PHF21B: variants seen among roughly 807,000 people sequenced by gnomAD.
The protein encoded by PHF21B is PHD finger protein 21B, also known as PHD finger protein 4.
A neutral mutation model predicts 62.2 loss-of-function variants in PHF21B; 22 were observed. That is an observed-to-expected ratio of 0.35 (90% CI 0.25 to 0.51). The LOEUF is 0.51. PHF21B is among the 20% of genes least tolerant of loss of function. PHF21B has a pLI of 0.97. For synonymous variants in PHF21B, 341 were observed against 314.7 expected (o/e 1.08, Z -0.88); for missense variants, 701 against 707.9 (o/e 0.99, Z 0.11).
chr22:44,963,052 G>A (rs1485760734), intron 2 of PHF21B, among the ~76,000 whole-genome samples: 2 of 152,252 alleles, frequency 1.3e-5, no homozygotes, highest in East Asian at 3.9e-4. Context: ...AAATGAGGAA[G>A]CTGAGCTCTC....
intron 5 of PHF21B, among the ~76,000 whole-genome samples, chr22:44,903,785 G>A (rs2071202494): frequency 6.6e-6 from 1 of 152,180 alleles, no homozygotes; most frequent in South Asian, 2.1e-4. Flanking sequence ...TGTACCTTTA[G>A]TATTTACATT....
chr22:44,996,601 C>T (rs2073126262), intron 2 of PHF21B, among the ~76,000 whole-genome samples: 1 of 151,954 alleles, frequency 6.6e-6, no homozygotes, highest in African/African-American at 2.4e-5. Flanking sequence ...GGGTCCCTAC[C>T]CCGTTTGACT....
At chr22:44,998,296 A>G (rs772236810) in intron 2 of PHF21B, among the ~76,000 whole-genome samples, 1 of 152,252 alleles carries the variant, frequency 6.6e-6, no homozygotes, top group Non-Finnish European at 1.5e-5. Flanking sequence ...TGCAGGACGC[A>G]GCAACTCTCA....
chr22:44,985,978 C>A (rs567898278), intron 2 of PHF21B, among the ~76,000 whole-genome samples: 2 of 151,364 alleles, frequency 1.3e-5, no homozygotes, highest in African/African-American at 4.9e-5. Flanking sequence ...ACTATGACAA[C>A]CATCCTCATC....
At chr22:44,994,592 C>T (rs951749628) in intron 2 of PHF21B, among the ~76,000 whole-genome samples, 3 of 152,218 alleles carry the variant, frequency 2.0e-5, no homozygotes, top group Non-Finnish European at 2.9e-5. Flanking sequence ...TTACGGCAGC[C>T]ACAGGACACT....
chr22:44,991,846 G>A (rs1047191910), intron 2 of PHF21B, among the ~76,000 whole-genome samples: 3 of 152,274 alleles, frequency 2.0e-5, no homozygotes, highest in Admixed American at 6.5e-5. Context: ...ACAGGGTGAA[G>A]GGGCTGCTGA....
chr22:44,928,630 G>A (rs930170614), intron 2 of PHF21B, among the ~76,000 whole-genome samples: 4 of 152,262 alleles, frequency 2.6e-5, no homozygotes, highest in East Asian at 1.9e-4. Context: ...GGCTGGTCTC[G>A]AACTCCCGAC....
At position 45,009,640 on chromosome 22, in the gene PHF21B, G is replaced by C; in HGVS notation, c.-91C>G. ...GCGGGGGCCAGAGCGGGCGCGGGCG[G>C]ACGCGGCCTCCGGGCTGGGTTGGGG... On this transcript the variant is annotated 5_prime_UTR_variant, in exon 1 of 13. Coordinates refer to ENST00000313237, the MANE Select transcript of PHF21B (RefSeq NM_138415.5). This position sits in a 1 kb window ranked among gnomAD's most constrained non-coding sequence, Gnocchi z 5.9. 6 of 1,323,334 alleles carry C rather than the reference G, an allele frequency of 4.5e-6. No individual in the cohort carries two copies. The South Asian group carries it at 7.9e-5, about 17-fold the overall frequency. 82.0% of individuals were successfully genotyped at this position (1,323,334 alleles called of 1,614,324 possible). A position where few individuals can be genotyped will look rare whatever the true frequency, so the allele number is the denominator to read the frequency against.
At chr22:44,996,867 TACATGCAG>T (rs2073131459) in intron 2 of PHF21B, among the ~76,000 whole-genome samples, 1 of 151,806 alleles carries the variant, frequency 6.6e-6, no homozygotes, top group Non-Finnish European at 1.5e-5. Context: ...CACACATGCA[TACATGCAG>T]ACGCACACAA....
intron 2 of PHF21B, among the ~76,000 whole-genome samples, chr22:44,947,272 C>T (rs1474839009): frequency 6.6e-6 from 1 of 152,090 alleles, no homozygotes; most frequent in Non-Finnish European, 1.5e-5. Context: ...AGCACCTACT[C>T]GGCACCAAGC....
In PHF21B at chr22:44,912,878, CAAAAA is replaced by C. The variant is rs3087031; in HGVS notation, c.831+939_831+943del. On this transcript the variant is annotated intron_variant, in intron 5 of 12. Coordinates refer to ENST00000313237, the MANE Select transcript of PHF21B (RefSeq NM_138415.5). The stretch of plus-strand genomic sequence containing the variant: ...TGGCTCAAAGAGTCAGACTCTATCT[CAAAAA>C]AAAAAAAAAAAAAAGACAAAAAGAA... Among the ~76,000 whole-genome samples, 42 of 45,606 alleles carry C rather than the reference CAAAAA, an allele frequency of 9.2e-4. No individual in the cohort carries two copies. The South Asian group carries it at 0.016, about 17-fold the overall frequency. 29.9% of individuals were successfully genotyped at this position (45,606 alleles called of 152,430 possible).
chr22:44,990,846 GC>G (rs2073031643), intron 2 of PHF21B, among the ~76,000 whole-genome samples: 1 of 152,214 alleles, frequency 6.6e-6, no homozygotes, highest in African/African-American at 2.4e-5. Context: ...CCATTTTGCT[GC>G]AATAAAAATT....
chr22:44,957,403 G>A (rs1248791911), intron 2 of PHF21B, among the ~76,000 whole-genome samples: 3 of 152,242 alleles, frequency 2.0e-5, no homozygotes, highest in Non-Finnish European at 4.4e-5. Flanking sequence ...CTGGGCTGCC[G>A]CACAGGGCTG....
chr22:44,976,477 A>G (rs1337866162), intron 2 of PHF21B, among the ~76,000 whole-genome samples: 1 of 152,220 alleles, frequency 6.6e-6, no homozygotes, highest in Non-Finnish European at 1.5e-5. Context: ...CAAACTTTTA[A>G]AATGTGGACT....
Position 44,916,436 on chromosome 22 carries a change from G to C in PHF21B, c.408C>G (p.Pro136=). ...TGCTCAGCGGAGAGGCGAGGGCGGC[G>C]GGCTCGGCGAGGGCCTGGGGCTGGC... ...PGSQPQALAE[P]AALASPLSSA... Residue 136 remains proline (P), a synonymous_variant, in exon 4 of 13, where the codon CCC becomes CCG. Coordinates refer to ENST00000313237, the MANE Select transcript of PHF21B (RefSeq NM_138415.5). The C allele has an allele frequency of 6.3e-7, 1 of 1,598,174 alleles. No individual in the cohort carries two copies. Among genetic ancestry groups the C allele is most frequent in the Non-Finnish European group, 8.5e-7 (1 of 1,176,336 alleles).
intron 2 of PHF21B, among the ~76,000 whole-genome samples, chr22:44,936,364 CCAG>C (rs543687007): frequency 1.1e-4 from 17 of 152,356 alleles, no homozygotes; most frequent in African/African-American, 3.8e-4. Flanking sequence ...TCTCTCTGGC[CCAG>C]CAGAAATGCT....
intron 2 of PHF21B, among the ~76,000 whole-genome samples, chr22:44,965,444 C>G (rs1377416455): frequency 6.6e-6 from 1 of 151,962 alleles, no homozygotes; most frequent in Non-Finnish European, 1.5e-5. Flanking sequence ...CCCACCCTCC[C>G]TACCCCATAG....
rs190199354 is a variant in PHF21B, at chr22:45,009,933, C to T, written c.-384G>A. 0.11 allele frequency: 15,359 copies of T among 146,190 alleles called. 980 individuals are homozygous for T. The highest frequency in any genetic ancestry group is 0.17 in the African/African-American group (6,792 of 40,598). 9.1% of individuals were successfully genotyped at this position (146,190 alleles called of 1,614,324 possible). A position where few individuals can be genotyped will look rare whatever the true frequency, so the allele number is the denominator to read the frequency against. The stretch of plus-strand genomic sequence containing the variant: ...CCTCCCGCGGGCAGGGACTATATTT[C>T]CTCCGGCGCGCGCGCCTGGATCTCG... On this transcript the variant is annotated 5_prime_UTR_variant, in exon 1 of 13. Transcript: ENST00000313237. The surrounding 1 kb of genome is among the most constrained non-coding windows in gnomAD (Gnocchi z 5.9).
At chr22:44,932,572 C>T (rs913400761) in intron 2 of PHF21B, among the ~76,000 whole-genome samples, 1 of 152,242 alleles carries the variant, frequency 6.6e-6, no homozygotes, top group African/African-American at 2.4e-5. Context: ...CTAATTCCCA[C>T]AAAAGATGGG....
Sources: gnomAD v4.1 joint callset for allele counts (sites outside exome capture counted in the v4.1 genomes callset) on GRCh38, gnomAD v4.1.1 for gene constraint, Gnocchi (gnomAD v3.1) non-coding constraint, MANE v1.5 for transcripts, NCBI Gene and HGNC (gene_info 2026-07-23, HGNC 2026-07-21) for gene names.